The following PTRH1 variants were observed in gnomAD, a reference collection of about 807,000 sequenced individuals.
PTRH1 encodes peptidyl-tRNA hydrolase.
In PTRH1, 13 loss-of-function variants were observed where a neutral mutation model predicts 15.7. That is an observed-to-expected ratio of 0.83 (90% CI 0.54 to 1.31). PTRH1 has a LOEUF of 1.31. Ranked by LOEUF, PTRH1 falls within the 40% of genes most tolerant of loss-of-function variation. The pLI is 0.00. For missense variants in PTRH1, 319 were observed against 296.2 expected, an observed-to-expected ratio of 1.08 and a Z score of -0.56; for synonymous variants, 139 against 136.7, an observed-to-expected ratio of 1.02 and a Z score of -0.12.
downstream of PTRH1, chr9:127,713,072 G>C: frequency 6.2e-7 from 1 of 1,613,940 alleles, no homozygotes; most frequent in Non-Finnish European, 8.5e-7. Context: ...GCAGCTCTCT[G>C]ACATCACCCC....
intron 1 of PTRH1, among the ~76,000 whole-genome samples, chr9:127,698,674 C>T (rs1195024832): frequency 6.6e-6 from 1 of 152,144 alleles, no homozygotes; most frequent in Non-Finnish European, 1.5e-5. Context: ...GAGACCCTGT[C>T]TCAAAAAATA....
chr9:127,701,560 C>T (rs1007012758), intron 1 of PTRH1, among the ~76,000 whole-genome samples: 4 of 152,172 alleles, frequency 2.6e-5, no homozygotes, highest in African/African-American at 9.6e-5. Context: ...AGCTGATGAA[C>T]CTGAACGTTC....
intron 1 of PTRH1, among the ~76,000 whole-genome samples, chr9:127,708,381 G>A (rs980574484): frequency 6.6e-6 from 1 of 152,146 alleles, no homozygotes; most frequent in African/African-American, 2.4e-5. Flanking sequence ...GGAGGCTGAG[G>A]CAGGAGAATC....
chr9:127,707,073 T>G, intron 1 of PTRH1: 1 of 1,613,788 alleles, frequency 6.2e-7, no homozygotes, highest in Non-Finnish European at 8.5e-7. Context: ...GCAAGGAGCT[T>G]GAAGTCAAGA....
downstream of PTRH1, chr9:127,711,679 GC>G: frequency 8.5e-7 from 1 of 1,171,144 alleles, no homozygotes; most frequent in Non-Finnish European, 1.2e-6. Context: ...TTTATTTAAA[GC>G]CCCCATAACT....
At chr9:127,702,469 C>A (rs1159547804) in intron 1 of PTRH1, among the ~76,000 whole-genome samples, 1 of 151,660 alleles carries the variant, frequency 6.6e-6, no homozygotes, top group Non-Finnish European at 1.5e-5. Context: ...CCCAGGAGAT[C>A]AAGGCTGCAG....
intron 2 of PTRH1, 22 bp downstream of exon 2, chr9:127,714,949 GCCCA>G: frequency 6.3e-6 from 1 of 159,314 alleles, no homozygotes; most frequent in Non-Finnish European, 1.1e-5. Context: ...TGGCCCGCCC[GCCCA>G]CCCCTGGCGC....
rs1401671081 is a variant in PTRH1, at chr9:127,705,586, C to A, written c.205+9849G>T. Among the ~76,000 whole-genome samples, 1 of 152,238 alleles carries A rather than the reference C, an allele frequency of 6.6e-6. No homozygotes were observed. Among genetic ancestry groups the A allele is most frequent in the Non-Finnish European group, 1.5e-5 (1 of 68,040 alleles). On this transcript the variant is annotated intron_variant, in intron 1 of 2. Coordinates refer to the PTRH1 transcript ENST00000335223. This position sits in a 1 kb window ranked among gnomAD's most constrained non-coding sequence, Gnocchi z 4.7. ...TTAAGCTGGGAATTCAGAGCTACCC[C>A]CTGCAATGGGCCTGGGGAAAAGAGA...
chr9:127,704,442 G>A (rs1842626589), intron 1 of PTRH1, among the ~76,000 whole-genome samples: 1 of 149,716 alleles, frequency 6.7e-6, no homozygotes, highest in South Asian at 2.1e-4. Context: ...CCAGGAGGCA[G>A]AGGTTGCGAG....
chr9:127,711,285 T>TG, downstream of PTRH1: 1 of 1,614,056 alleles, frequency 6.2e-7, no homozygotes, highest in Middle Eastern at 1.6e-4. Flanking sequence ...TTCCACAAGG[T>TG]GACCACGAAC....
At chr9:127,694,556 A>G (rs1245970407) in intron 2 of PTRH1, among the ~76,000 whole-genome samples, 1 of 151,766 alleles carries the variant, frequency 6.6e-6, no homozygotes, top group Non-Finnish European at 1.5e-5. Context: ...CCCAGAAGAG[A>G]TGGAACCCAC....
At chr9:127,695,419 G>A (rs1842551040) in intron 1 of PTRH1, 1 of 399,314 alleles carries the variant, frequency 2.5e-6, no homozygotes, top group Non-Finnish European at 4.4e-6. Context: ...GTATCCTGGA[G>A]GCTACATGGG....
chr9:127,700,659 A>G, intron 1 of PTRH1, among the ~76,000 whole-genome samples: 1 of 152,080 alleles, frequency 6.6e-6, no homozygotes, highest in Non-Finnish European at 1.5e-5. Flanking sequence ...TATAAACAGG[A>G]CCTCGGGCCA....
rs558691052 is a variant in PTRH1 at position 127,706,921 on chromosome 9, G to T, written c.205+8514C>A. 824 of 1,321,496 alleles carry T rather than the reference G, an allele frequency of 6.2e-4. 2 individuals carry two copies. The highest frequency in any genetic ancestry group is 4.4e-4 in the Non-Finnish European group (419 of 962,186). The allele number at this position is 1,321,496 out of a possible 1,614,324, so 81.9% of individuals were successfully genotyped here. Reference sequence around the variant, plus strand: ...CGGCACCCAGCAAGAAGAGGGCAGGGTCCCTTTAAGCCCAGCCTCACTCCC... The same window carrying T: ...CGGCACCCAGCAAGAAGAGGGCAGGTTCCCTTTAAGCCCAGCCTCACTCCC... On this transcript the variant is annotated intron_variant, in intron 1 of 2. Transcript: ENST00000335223.
chr9:127,711,552 T>C, downstream of PTRH1: 1 of 1,575,408 alleles, frequency 6.3e-7, no homozygotes, highest in Non-Finnish European at 8.6e-7. Context: ...GAGGCCGCCC[T>C]GGGGGCCCTG....
intron 1 of PTRH1, among the ~76,000 whole-genome samples, chr9:127,697,896 G>A (rs116705677): frequency 6.6e-5 from 10 of 152,264 alleles, no homozygotes; most frequent in South Asian, 2.1e-4. Flanking sequence ...TTGCTTGCTC[G>A]GATGACACCA....
At chr9:127,702,833 T>A (rs1306375300) in intron 1 of PTRH1, among the ~76,000 whole-genome samples, 1 of 151,520 alleles carries the variant, frequency 6.6e-6, no homozygotes, top group African/African-American at 2.4e-5. Context: ...TACCTCAGCC[T>A]CCCAAGTAGC....
chr9:127,711,578 G>A, downstream of PTRH1: 2 of 1,524,666 alleles, frequency 1.3e-6, no homozygotes, highest in East Asian at 4.5e-5. Flanking sequence ...GTAGAGTCAG[G>A]GGCAGTCAAG....
downstream of PTRH1, chr9:127,711,975 G>A: frequency 6.3e-7 from 1 of 1,592,108 alleles, no homozygotes; most frequent in Non-Finnish European, 8.5e-7. Flanking sequence ...CGGAGGGGCG[G>A]GCGGCGGGTG....
Sources: allele counts gnomAD v4.1 joint callset (sites outside exome capture counted in the v4.1 genomes callset), GRCh38; gene constraint gnomAD v4.1.1; non-coding constraint Gnocchi (gnomAD v3.1); transcripts MANE v1.5; gene names NCBI Gene and HGNC (gene_info 2026-07-23, HGNC 2026-07-21).